Variants in TMC2 observed in about 807,000 individuals in gnomAD.
TMC2 encodes the protein transmembrane channel like 2, also known as transmembrane channel-like protein 2.
In TMC2, 102 loss-of-function variants were observed where a neutral mutation model predicts 105.9. The ratio of observed to expected loss-of-function variants is 0.96; its 90% confidence interval spans 0.82 to 1.14. The LOEUF is 1.14. TMC2 is among the 50% of genes most tolerant of loss of function. The pLI, the probability that TMC2 is intolerant of heterozygous loss-of-function variation, is 0.00. For synonymous variants in TMC2, 402 were observed against 422.8 expected (o/e 0.95, Z 0.60); for missense variants, 1,093 against 1,134.3 (o/e 0.96, Z 0.52).
In TMC2 at chr20:2,612,327, C is replaced by T; in HGVS notation, c.1730C>T (p.Thr577Ile). ...ADVPRGSCWE[T>I]AVGIEFMRLT... Reference sequence around the variant, plus strand: ...GTGCCCCGGGGTTCTTGCTGGGAGACAGCTGTGGGCATTGTGAGTAGTTAC... The same window carrying T: ...GTGCCCCGGGGTTCTTGCTGGGAGATAGCTGTGGGCATTGTGAGTAGTTAC... Residue 577 changes from threonine (T) to isoleucine (I), a missense_variant, in exon 13 of 20, where the codon ACA becomes ATA. Transcript: ENST00000358864. 6.4e-7 allele frequency: 1 copy of T among 1,573,910 alleles called. No individual in the cohort carries two copies.
At chr20:2,605,081 T>C (rs571134829) in intron 11 of TMC2, among the ~76,000 whole-genome samples, 2 of 152,274 alleles carry the variant, frequency 1.3e-5, no homozygotes, top group Admixed American at 1.3e-4. Flanking sequence ...GGGGCAGGCT[T>C]GTGGGACTGA....
Position 2,637,478 on chromosome 20 carries a change from G to A in TMC2, c.2390G>A (p.Arg797His), listed in dbSNP as rs139280165. The A allele has an allele frequency of 2.7e-5, 43 of 1,609,164 alleles. No homozygotes were observed. The East Asian group carries it at 5.4e-4, about 20-fold the overall frequency. ...AQLRKKIQVL[R>H]EVEKSHKSVK... ...ACAGTTCATTATTTCCTGCAGCTCC[G>A]TGAAGTTGAGAAGAGTCACAAATCT... The change falls in exon 19 of 20, where the codon CGT (arginine) becomes CAT (histidine). Residue 797 changes from arginine to histidine, a missense_variant. Physicochemically the swap from Arg to His is conservative, Grantham distance 29. Coordinates refer to ENST00000358864, the MANE Select transcript of TMC2 (RefSeq NM_080751.3).
intron 7 of TMC2, among the ~76,000 whole-genome samples, chr20:2,582,741 G>A (rs2086203393): frequency 6.6e-6 from 1 of 152,202 alleles, no homozygotes; most frequent in Non-Finnish European, 1.5e-5. Context: ...CTCCCAAAGT[G>A]TTGGGATTAC....
At chr20:2,577,100 G>A (rs1000186865) in intron 5 of TMC2, among the ~76,000 whole-genome samples, 10 of 151,846 alleles carry the variant, frequency 6.6e-5, no homozygotes, top group Non-Finnish European at 1.5e-4. Flanking sequence ...TAGAGACAGG[G>A]TTTGACCATG....
rs536843852 is a variant in TMC2, at chr20:2,570,940, T to C, written c.555-1239T>C. Among the ~76,000 whole-genome samples, 6 of 152,220 alleles carry C rather than the reference T, an allele frequency of 3.9e-5. No homozygotes were observed. In the South Asian group the frequency reaches 1.2e-3, roughly 32 times the overall value. ...AATAAATGGTGCTGGGATAACTGGC[T>C]AGACATATGCAGAAGAGTGAAACTG... On this transcript the variant is annotated intron_variant, in intron 4 of 19. Coordinates refer to ENST00000358864, the MANE Select transcript of TMC2 (RefSeq NM_080751.3).
chr20:2,636,900 C>T (rs190203806), intron 18 of TMC2, among the ~76,000 whole-genome samples: 44 of 152,254 alleles, frequency 2.9e-4, no homozygotes, highest in African/African-American at 1.0e-3. Flanking sequence ...CGTGAGCCAC[C>T]GTGCCCAGCC....
Position 2,558,813 on chromosome 20 carries a change from G to T in TMC2, c.401+39G>T. 1.3e-6 allele frequency: 2 copies of T among 1,490,326 alleles called. No homozygotes were observed. The highest frequency in any genetic ancestry group is 1.4e-5 in the South Asian group (1 of 71,584). The allele number at this position is 1,490,326 out of a possible 1,614,324, so 92.3% of individuals were successfully genotyped here. On this transcript the variant is annotated intron_variant, in intron 3 of 19. Coordinates refer to ENST00000358864, the MANE Select transcript of TMC2 (RefSeq NM_080751.3). The surrounding 1 kb of genome is among the most constrained non-coding windows in gnomAD (Gnocchi z 4.6). ...CCGATTCTGGGCATTCGCTCCGCGC[G>T]CTCCCGCTCCTTCGCGGCCCTTCCC...
intron 2 of TMC2, among the ~76,000 whole-genome samples, chr20:2,545,910 A>G (rs1420714108): frequency 1.3e-5 from 2 of 148,496 alleles, no homozygotes; most frequent in East Asian, 1.9e-4. Context: ...GAAAGAAAAA[A>G]AGAAAGAAAT....
chr20:2,598,111 T>C (rs1364028520), intron 10 of TMC2, among the ~76,000 whole-genome samples: 1 of 151,518 alleles, frequency 6.6e-6, no homozygotes, highest in Admixed American at 6.6e-5. Context: ...TCAACACTGA[T>C]GGCTGCGCCA....
At position 2,642,163 on chromosome 20, in the gene TMC2, G is replaced by A. The variant is rs2086694108; in HGVS notation, c.*812G>A. Among the ~76,000 whole-genome samples, 1 of 152,148 alleles carries A rather than the reference G, an allele frequency of 6.6e-6. No individual in the cohort carries two copies. Among genetic ancestry groups the A allele is most frequent in the Non-Finnish European group, 1.5e-5 (1 of 68,032 alleles). On this transcript the variant is annotated 3_prime_UTR_variant, in exon 20 of 20. Transcript: ENST00000358864. ...TTAAGAGGCTGAAGTGGGAGGCCAG[G>A]GGTTTCAGATGAGCCTGAGCAACAG...
chr20:2,558,868 C>A lies in TMC2; in HGVS notation c.401+94C>A. 1 of 1,312,672 alleles carries A rather than the reference C, an allele frequency of 7.6e-7. No individual in the cohort carries two copies. The highest frequency in any genetic ancestry group is 1.0e-6 in the Non-Finnish European group (1 of 976,448). The allele number at this position is 1,312,672 out of a possible 1,614,324, so 81.3% of individuals were successfully genotyped here. A position where few individuals can be genotyped will look rare whatever the true frequency, so the allele number is the denominator to read the frequency against. On this transcript the variant is annotated intron_variant, in intron 3 of 19. Coordinates refer to ENST00000358864, the MANE Select transcript of TMC2 (RefSeq NM_080751.3). This position sits in a 1 kb window ranked among gnomAD's most constrained non-coding sequence, Gnocchi z 4.6. ...CCCCGTGAGGGACTGATGCCCCCCT[C>A]CCCGGGGAGAGGCAGCCCGTGCCCT...
chr20:2,565,987 G>A (rs931128306), intron 4 of TMC2, among the ~76,000 whole-genome samples: 5 of 152,236 alleles, frequency 3.3e-5, no homozygotes, highest in Admixed American at 6.5e-5. Context: ...GCAGTGAGCC[G>A]AGATCATGCC....
rs185348524 is a variant in TMC2, at chr20:2,538,707, G to A, written c.82+1391G>A. Among the ~76,000 whole-genome samples, 18 of 152,282 alleles carry A rather than the reference G, an allele frequency of 1.2e-4. No individual in the cohort carries two copies. The East Asian group carries it at 3.3e-3, about 28-fold the overall frequency. ...TCCTACTGAAATATTCCACGTTGCC[G>A]CTGCCGTTTTCCCTTTCCCATAGAA... On this transcript the variant is annotated intron_variant, in intron 2 of 19. Transcript: ENST00000358864.
chr20:2,587,645 T>C (rs972263996), intron 7 of TMC2, among the ~76,000 whole-genome samples: 3 of 152,160 alleles, frequency 2.0e-5, no homozygotes, highest in Admixed American at 2.0e-4. Context: ...TATATTTATG[T>C]TGTACAAAAT....
intron 16 of TMC2, among the ~76,000 whole-genome samples, chr20:2,618,573 C>G (rs575285707): frequency 6.6e-6 from 1 of 152,304 alleles, no homozygotes; most frequent in African/African-American, 2.4e-5. Flanking sequence ...TCTCTGCTCT[C>G]CAGAGCATTG....
At chr20:2,622,409 T>C (rs1168397759) in intron 16 of TMC2, among the ~76,000 whole-genome samples, 2 of 152,212 alleles carry the variant, frequency 1.3e-5, no homozygotes, top group African/African-American at 4.8e-5. Context: ...GGCTCACACC[T>C]GTAATCCCAG....
intron 13 of TMC2, 152 bp downstream of exon 13, chr20:2,612,492 C>T (rs560806923): frequency 4.1e-6 from 3 of 730,452 alleles, no homozygotes; most frequent in South Asian, 5.1e-5. Context: ...ATAAAATGAC[C>T]AAAGCAGATC....
At chr20:2,559,956 T>C (rs914095234) in intron 3 of TMC2, among the ~76,000 whole-genome samples, 3 of 152,180 alleles carry the variant, frequency 2.0e-5, no homozygotes, top group Non-Finnish European at 4.4e-5. Flanking sequence ...ATTAGAGAGA[T>C]GAAAACATTC....
intron 4 of TMC2, among the ~76,000 whole-genome samples, chr20:2,569,966 A>C (rs2086091653): frequency 6.6e-6 from 1 of 152,236 alleles, no homozygotes; most frequent in African/African-American, 2.4e-5. Flanking sequence ...CAAACTAGGC[A>C]TTGAAGGAAC....
Sources: allele counts gnomAD v4.1 joint callset (sites outside exome capture counted in the v4.1 genomes callset), GRCh38; gene constraint gnomAD v4.1.1; non-coding constraint Gnocchi (gnomAD v3.1); transcripts MANE v1.5; gene names NCBI Gene and HGNC (gene_info 2026-07-23, HGNC 2026-07-21).